Variants in CRYBG3 observed in about 807,000 individuals in gnomAD.
The protein encoded by CRYBG3 is very large A-kinase anchor protein.
CRYBG3 carries 127 observed loss-of-function variants against 244.2 expected under a neutral mutation model. That is an observed-to-expected ratio of 0.52 (90% CI 0.45 to 0.60). CRYBG3 has a LOEUF of 0.60. Ranked by LOEUF, CRYBG3 falls within the 20% of genes least tolerant of loss-of-function variation. CRYBG3 has a pLI of 0.00. For synonymous variants in CRYBG3, 1,132 were observed against 1,195.8 expected (o/e 0.95, Z 1.10); for missense variants, 3,325 against 3,442.5 (o/e 0.97, Z 0.85).
rs543721686 is a variant in CRYBG3 at position 97,944,670 on chromosome 3, C to T, written c.*1356C>T. 2 of 152,266 alleles carry T rather than the reference C, an allele frequency of 1.3e-5. No homozygotes were observed. Among genetic ancestry groups the T allele is most frequent in the East Asian group, 1.9e-4 (1 of 5,144 alleles). The allele number at this position is 152,266 out of a possible 1,614,324, so 9.4% of individuals were successfully genotyped here. The stretch of plus-strand genomic sequence containing the variant: ...AACTCCCTTTTGTCCATAGGTGTTG[C>T]GTGCCTCTCATCTGTGGGGAAGTAT... On this transcript the variant is annotated 3_prime_UTR_variant, in exon 22 of 22. Transcript: ENST00000389622.
intron 3 of CRYBG3, chr3:97,866,903 C>G (rs1252914241): frequency 6.6e-6 from 1 of 152,196 alleles, no homozygotes; most frequent in Non-Finnish European, 1.5e-5. Flanking sequence ...CACCTGACTG[C>G]CAGTTTGACT....
chr3:97,835,485 TC>T (rs1305592884), intron 1 of CRYBG3, among the ~76,000 whole-genome samples: 5 of 152,030 alleles, frequency 3.3e-5, no homozygotes, highest in Non-Finnish European at 7.4e-5. Context: ...TGGGGCACAA[TC>T]ATGTGGCACA....
At chr3:97,852,433 G>C (rs1044788788) in intron 2 of CRYBG3, among the ~76,000 whole-genome samples, 1 of 152,130 alleles carries the variant, frequency 6.6e-6, no homozygotes, top group Non-Finnish European at 1.5e-5. Context: ...TCCCTGAAAG[G>C]TCATGGTTAG....
chr3:97,879,988 G>T lies in CRYBG3; in HGVS notation c.6892G>T (p.Val2298Phe), dbSNP rs1165855089. The T allele has an allele frequency of 8.8e-6, 13 of 1,474,762 alleles. No individual in the cohort carries two copies. The highest frequency in any genetic ancestry group is 1.1e-5 in the Non-Finnish European group (12 of 1,060,582). 91.4% of individuals were successfully genotyped at this position (1,474,762 alleles called of 1,614,324 possible). The change falls in exon 6 of 22, where the codon GTT (valine) becomes TTT (phenylalanine). Residue 2298 changes from valine (V) to phenylalanine (F), a missense_variant. Around this residue, in one of 4 missense-constraint regions of CRYBG3, gnomAD observed 714 missense variants for 803.6 expected, o/e 0.89. Transcript: ENST00000389622. The part of the protein sequence containing the change: ...LRCNPRPGKM[V>F]IYDLHESTYK... Reference sequence around the variant, plus strand: ...ACTGCTATTTACTGTGTTGCAGATGGTTATCTATGATCTCCATGAAAGTAC... The same window carrying T: ...ACTGCTATTTACTGTGTTGCAGATGTTTATCTATGATCTCCATGAAAGTAC...
intron 3 of CRYBG3, among the ~76,000 whole-genome samples, chr3:97,871,616 A>G (rs1264454902): frequency 1.3e-5 from 2 of 152,178 alleles, no homozygotes; most frequent in Non-Finnish European, 2.9e-5. Context: ...GAGTAATTCT[A>G]AGGAGGTCAA....
intron 10 of CRYBG3, among the ~76,000 whole-genome samples, chr3:97,891,432 A>G (rs1388669905): frequency 6.6e-6 from 1 of 152,170 alleles, no homozygotes; most frequent in Non-Finnish European, 1.5e-5. Context: ...GTGAATATCC[A>G]ACATTGTGCT....
intron 14 of CRYBG3, among the ~76,000 whole-genome samples, chr3:97,899,740 A>C (rs1189145713): frequency 6.6e-6 from 1 of 152,182 alleles, no homozygotes; most frequent in East Asian, 1.9e-4. Context: ...TTAAAGGATA[A>C]AACCAATTTT....
Position 97,891,622 on chromosome 3 carries a change from T to C in CRYBG3, c.7441-1238T>C, listed in dbSNP as rs569800818. On this transcript the variant is annotated intron_variant, in intron 10 of 21. Coordinates refer to ENST00000389622, the MANE Select transcript of CRYBG3 (RefSeq NM_153605.4). Reference sequence around the variant, plus strand: ...AGAACTGAGGGTCTTGCAAATTAACTATGTCAATGCAGTCTTTTTTATGTT... The same window carrying C: ...AGAACTGAGGGTCTTGCAAATTAACCATGTCAATGCAGTCTTTTTTATGTT... Among the ~76,000 whole-genome samples, 14 of 152,298 alleles carry C rather than the reference T, an allele frequency of 9.2e-5. No homozygotes were observed. The East Asian group carries it at 2.5e-3, about 27-fold the overall frequency.
chr3:97,876,508 G>A lies in CRYBG3; in HGVS notation c.5314G>A (p.Gly1772Ser). ...VVNTYQKNAKGFTGNTEGSVL... is the reference protein window; with the variant it reads ...VVNTYQKNAKSFTGNTEGSVL... ...AAATACTTACCAAAAAAATGCCAAA[G>A]GTTTTACCGGGAACACTGAAGGGTC... The change falls in exon 4 of 22, where the codon GGT (glycine) becomes AGT (serine). Residue 1772 changes from glycine to serine, a missense_variant. Gly to Ser is a moderately conservative substitution (Grantham distance 56). Coordinates refer to ENST00000389622, the MANE Select transcript of CRYBG3 (RefSeq NM_153605.4). The A allele has an allele frequency of 2.4e-6, 3 of 1,232,164 alleles. No individual in the cohort carries two copies. Among genetic ancestry groups the A allele is most frequent in the Middle Eastern group, 6.2e-4 (2 of 3,208 alleles). 76.3% of individuals were successfully genotyped at this position (1,232,164 alleles called of 1,614,324 possible).
At chr3:97,935,529 A>G (rs2040154402) in intron 18 of CRYBG3, among the ~76,000 whole-genome samples, 1 of 152,004 alleles carries the variant, frequency 6.6e-6, no homozygotes, top group East Asian at 1.9e-4. Flanking sequence ...TCCCTACCCA[A>G]GCTTTCATAG....
chr3:97,845,017 T>G (rs1188897176), intron 2 of CRYBG3, among the ~76,000 whole-genome samples: 1 of 152,178 alleles, frequency 6.6e-6, no homozygotes, highest in South Asian at 2.1e-4. Flanking sequence ...TCATGTAACT[T>G]TTTAAAAAAC....
At chr3:97,845,107 A>T (rs999287541) in intron 2 of CRYBG3, among the ~76,000 whole-genome samples, 7 of 152,200 alleles carry the variant, frequency 4.6e-5, no homozygotes, top group Admixed American at 1.3e-4. Context: ...ACCAGGCATC[A>T]TAACAAATAT....
intron 1 of CRYBG3, among the ~76,000 whole-genome samples, chr3:97,842,164 T>G (rs2038828681): frequency 6.6e-6 from 1 of 152,196 alleles, no homozygotes; most frequent in Non-Finnish European, 1.5e-5. Context: ...AGCAGAATCC[T>G]TGGCATATGG....
chr3:97,855,897 G>A (rs2039056741), intron 2 of CRYBG3, among the ~76,000 whole-genome samples: 1 of 152,120 alleles, frequency 6.6e-6, no homozygotes, highest in African/African-American at 2.4e-5. Context: ...CAAGACTGGG[G>A]CGAAATTAAA....
chr3:97,871,220 A>G (rs1234219829), intron 3 of CRYBG3, among the ~76,000 whole-genome samples: 3 of 152,230 alleles, frequency 2.0e-5, no homozygotes, highest in African/African-American at 7.2e-5. Flanking sequence ...CAAGCAGTTT[A>G]ATACTATACT....
At chr3:97,869,877 A>G (rs1051743727) in intron 3 of CRYBG3, among the ~76,000 whole-genome samples, 1 of 152,330 alleles carries the variant, frequency 6.6e-6, no homozygotes, top group African/African-American at 2.4e-5. Flanking sequence ...GAAGTATTTA[A>G]GAGACACAGT....
intron 19 of CRYBG3, among the ~76,000 whole-genome samples, chr3:97,937,160 G>T (rs902284734): frequency 6.6e-6 from 1 of 152,050 alleles, no homozygotes; most frequent in Non-Finnish European, 1.5e-5. Context: ...CTAAGATACT[G>T]TAAGTTCTGT....
chr3:97,922,340 G>A lies in CRYBG3; in HGVS notation c.8241+6604G>A, dbSNP rs1040092347. ...AACAAAAGCCAAAATTGACAAATGGGATCTAATTAAACTAAAGAGCTTCTG... is the reference window on the plus strand; with the variant it reads ...AACAAAAGCCAAAATTGACAAATGGAATCTAATTAAACTAAAGAGCTTCTG... On this transcript the variant is annotated intron_variant, in intron 17 of 21. Transcript: ENST00000389622. 2.6e-4 allele frequency among the ~76,000 whole-genome samples: 39 copies of A among 152,096 alleles called. 1 individual carries two copies. Among genetic ancestry groups the A allele is most frequent in the Non-Finnish European group, 1.0e-4 (7 of 68,028 alleles).
chr3:97,839,156 C>T (rs1249047173), intron 1 of CRYBG3, among the ~76,000 whole-genome samples: 4 of 151,966 alleles, frequency 2.6e-5, no homozygotes, highest in Non-Finnish European at 5.9e-5. Context: ...ATTGAAATAC[C>T]CTGGGTCCCA....
Sources: allele counts gnomAD v4.1 joint callset (sites outside exome capture counted in the v4.1 genomes callset), GRCh38; gene constraint gnomAD v4.1.1; regional missense constraint gnomAD v4.1.1; transcripts MANE v1.5; gene names NCBI Gene and HGNC (gene_info 2026-07-23, HGNC 2026-07-21).